The following EGFL6 variants were observed in gnomAD, a reference collection of about 807,000 sequenced individuals.
The protein encoded by EGFL6 is epidermal growth factor-like protein 6.
EGFL6 carries 42 observed loss-of-function variants against 43.1 expected under a neutral mutation model. That is an observed-to-expected ratio of 0.98 (90% CI 0.76 to 1.26). The LOEUF is 1.26. Ranked by LOEUF, EGFL6 falls within the 50% of genes most tolerant of loss-of-function variation. EGFL6 has a pLI of 0.00. For synonymous variants in EGFL6, 164 were observed against 163.2 expected (o/e 1.01, Z -0.04); for missense variants, 429 against 427.8 (o/e 1.00, Z -0.02).
rs756686898 is a variant in EGFL6 at position 13,633,116 on chromosome X, G to C, written c.*21G>C. On this transcript the variant is annotated 3_prime_UTR_variant, in exon 12 of 12. Transcript: ENST00000361306. ...ACTGAATGTTACTATCTTTATATTT[G>C]ACTTTGTATGTCAGTTCCCTGGTTT... The C allele has an allele frequency of 3.4e-5, 39 of 1,140,868 alleles. No homozygotes were observed. In the East Asian group the frequency reaches 1.2e-3, roughly 35 times the overall value. The allele number at this position is 1,140,868 out of a possible 1,213,427, so 94.0% of individuals were successfully genotyped here.
chrX:13,623,379 T>TTTTTTTG lies in EGFL6; in HGVS notation c.1184-439_1184-438insGTTTTTT, dbSNP rs1484853358. Among the ~76,000 whole-genome samples, 168 of 61,994 alleles carry TTTTTTTG rather than the reference T, an allele frequency of 2.7e-3. 16 individuals are homozygous for TTTTTTTG. The highest frequency in any genetic ancestry group is 0.01 in the African/African-American group (164 of 15,638). 53.8% of individuals were successfully genotyped at this position (61,994 alleles called of 115,157 possible). A position where few individuals can be genotyped will look rare whatever the true frequency, so the allele number is the denominator to read the frequency against. On this transcript the variant is annotated intron_variant, in intron 9 of 11. Coordinates refer to ENST00000361306, the MANE Select transcript of EGFL6 (RefSeq NM_015507.4). ...AAAGGGTTTTTGTTTTATTTTGGGT[T>TTTTTTTG]TTTTTTTTTTTTTTTTTTGAGACAG...
In EGFL6 at chrX:13,623,812, T is replaced by C. The variant is rs775690513; in HGVS notation, c.1184-12T>C. 2 of 1,188,917 alleles carry C rather than the reference T, an allele frequency of 1.7e-6. No homozygotes were observed. Among genetic ancestry groups the C allele is most frequent in the Admixed American group, 4.4e-5 (2 of 45,565 alleles). On this transcript the variant is annotated splice_polypyrimidine_tract_variant and intron_variant, in intron 9 of 11. Coordinates refer to ENST00000361306, the MANE Select transcript of EGFL6 (RefSeq NM_015507.4). ...TTTAGGGGTTATGAAATATGTTCTT[T>C]CTTTTTAGCAGATTTAAATATCTCG...
chrX:13,591,957 A>T (rs1460248639), intron 2 of EGFL6, among the ~76,000 whole-genome samples: 2 of 111,926 alleles, frequency 1.8e-5, no homozygotes, highest in Non-Finnish European at 3.8e-5. Flanking sequence ...ACCAAATAAG[A>T]CTTTTACTTT....
At chrX:13,611,994 G>A (rs1187966469) in intron 7 of EGFL6, among the ~76,000 whole-genome samples, 1 of 110,292 alleles carries the variant, frequency 9.1e-6, no homozygotes, top group African/African-American at 3.3e-5. Flanking sequence ...TCTTAACAAG[G>A]TCTTAACATT....
chrX:13,569,815 G>T lies in EGFL6; in HGVS notation c.-47G>T, dbSNP rs1204134479. 3.4e-6 allele frequency: 4 copies of T among 1,178,530 alleles called. No homozygotes were observed. The highest frequency in any genetic ancestry group is 3.5e-6 in the Non-Finnish European group (3 of 867,263). On this transcript the variant is annotated 5_prime_UTR_variant, in exon 1 of 12. Coordinates refer to ENST00000361306, the MANE Select transcript of EGFL6 (RefSeq NM_015507.4). ...TTAGCTGCTACGGGGTCCGGCCGGC[G>T]CCCTCCCGAGGGGGGCTCAGGAGGA... is the stretch of plus-strand genomic sequence containing the variant.
chrX:13,578,475 C>G (rs1212453618), intron 1 of EGFL6, among the ~76,000 whole-genome samples: 4 of 107,655 alleles, frequency 3.7e-5, no homozygotes, highest in Non-Finnish European at 7.7e-5. Flanking sequence ...AAGACACATG[C>G]ACACGTATGT....
intron 1 of EGFL6, among the ~76,000 whole-genome samples, chrX:13,583,825 A>G (rs1197320338): frequency 9.0e-6 from 1 of 110,996 alleles, no homozygotes; most frequent in Non-Finnish European, 1.9e-5. Flanking sequence ...GGTCCCAACT[A>G]CTCTGCTCTT....
At chrX:13,624,004 C>T (rs1409850347) in intron 10 of EGFL6, 79 bp downstream of exon 10, 1 of 796,257 alleles carries the variant, frequency 1.3e-6, no homozygotes, top group African/African-American at 2.1e-5. Context: ...GGTTGTTATT[C>T]CCATTACTCA....
At chrX:13,584,683 A>C in intron 1 of EGFL6, among the ~76,000 whole-genome samples, 1 of 112,189 alleles carries the variant, frequency 8.9e-6, no homozygotes, top group South Asian at 3.7e-4. Flanking sequence ...CCGATGGTGC[A>C]TCCCTCTGAC....
At chrX:13,577,869 G>C (rs2045482627) in intron 1 of EGFL6, among the ~76,000 whole-genome samples, 1 of 111,993 alleles carries the variant, frequency 8.9e-6, no homozygotes, top group South Asian at 3.7e-4. Flanking sequence ...GACAACAATA[G>C]CGAGCAAACA....
intron 4 of EGFL6, among the ~76,000 whole-genome samples, chrX:13,602,900 A>G (rs1045280211): frequency 8.9e-6 from 1 of 112,113 alleles, no homozygotes; most frequent in Non-Finnish European, 1.9e-5. Context: ...GAGGCTAGAT[A>G]TGTATGGAGA....
chrX:13,621,725 T>C (rs1400104869), intron 9 of EGFL6, among the ~76,000 whole-genome samples: 1 of 112,253 alleles, frequency 8.9e-6, no homozygotes, highest in Non-Finnish European at 1.9e-5. Context: ...GAGCTGTGAG[T>C]GTTTCCAGTA....
chrX:13,621,146 G>A (rs1241038291), intron 9 of EGFL6, among the ~76,000 whole-genome samples: 1 of 112,626 alleles, frequency 8.9e-6, no homozygotes, highest in Non-Finnish European at 1.9e-5. Context: ...ATAAGAATTT[G>A]TGTGCAAGTG....
chrX:13,617,192 A>G (rs113277270), intron 7 of EGFL6, among the ~76,000 whole-genome samples: 46 of 112,402 alleles, frequency 4.1e-4, no homozygotes, highest in African/African-American at 1.5e-3. Flanking sequence ...TGGTTGACTG[A>G]GGTGAAAAAA....
At chrX:13,631,446 T>C (rs2045810128) in intron 11 of EGFL6, among the ~76,000 whole-genome samples, 1 of 111,467 alleles carries the variant, frequency 9.0e-6, no homozygotes, top group Admixed American at 9.6e-5. Context: ...GATTATAAAA[T>C]TAACATGAAC....
At chrX:13,583,228 G>T (rs1189315295) in intron 1 of EGFL6, among the ~76,000 whole-genome samples, 1 of 110,648 alleles carries the variant, frequency 9.0e-6, no homozygotes, top group Non-Finnish European at 1.9e-5. Flanking sequence ...TCTTAATGGT[G>T]CTGTCCTTGG....
intron 3 of EGFL6, among the ~76,000 whole-genome samples, chrX:13,595,241 TA>T (rs1213731345): frequency 8.9e-6 from 1 of 111,776 alleles, no homozygotes; most frequent in Non-Finnish European, 1.9e-5. Context: ...AGAGCCTTTT[TA>T]AAAAGTAAAT....
chrX:13,606,837 A>T (rs2045663380), intron 6 of EGFL6, among the ~76,000 whole-genome samples: 1 of 112,329 alleles, frequency 8.9e-6, no homozygotes, highest in African/African-American at 3.2e-5. Flanking sequence ...CTCCAGTTAC[A>T]CATCTAAAAA....
chrX:13,592,844 C>T, intron 2 of EGFL6, among the ~76,000 whole-genome samples: 1 of 67,259 alleles, frequency 1.5e-5, no homozygotes, highest in Non-Finnish European at 2.6e-5. Flanking sequence ...ATCTTTTGCC[C>T]ACAGTGTTGC....
Sources: allele counts gnomAD v4.1 joint callset (sites outside exome capture counted in the v4.1 genomes callset), GRCh38; gene constraint gnomAD v4.1.1; transcripts MANE v1.5; gene names NCBI Gene and HGNC (gene_info 2026-07-23, HGNC 2026-07-21).